Variants in CDH13 observed in about 807,000 individuals in gnomAD.
CDH13 encodes the protein cadherin 13.
In CDH13, 24 loss-of-function variants were observed where a neutral mutation model predicts 63.8. The ratio of observed to expected loss-of-function variants is 0.38; its 90% confidence interval spans 0.27 to 0.53. The LOEUF is 0.53. CDH13 is among the 20% of genes least tolerant of loss of function. The probability of loss-of-function intolerance (pLI) is 0.85; values close to 1 mark genes in which losing one functional copy is unlikely to be tolerated. For synonymous variants in CDH13, 503 were observed against 355.3 expected, an observed-to-expected ratio of 1.42 and a Z score of -4.67; for missense variants, 1,049 against 903.1, an observed-to-expected ratio of 1.16 and a Z score of -2.07.
chr16:83,743,823 A>G (rs1912307675), intron 10 of CDH13, among the ~76,000 whole-genome samples: 1 of 130,792 alleles, frequency 7.6e-6, no homozygotes, highest in Non-Finnish European at 1.5e-5. Flanking sequence ...GATGTAATAA[A>G]CCTTTACCGG....
At chr16:83,329,259 T>C (rs1475552367) in intron 5 of CDH13, among the ~76,000 whole-genome samples, 3 of 152,194 alleles carry the variant, frequency 2.0e-5, no homozygotes, top group Middle Eastern at 3.2e-3. Context: ...AGAGTCCGGC[T>C]CTGTTGCCCA....
intron 1 of CDH13, among the ~76,000 whole-genome samples, chr16:82,682,849 C>T (rs906442368): frequency 6.6e-6 from 1 of 152,194 alleles, no homozygotes; most frequent in Non-Finnish European, 1.5e-5. Flanking sequence ...AGGACTGGTG[C>T]TTCCCCTGAG....
rs1555528267 is a variant in CDH13 at position 82,644,211 on chromosome 16, GA to G, written c.45+17076del. Among the ~76,000 whole-genome samples the G allele has an allele frequency of 1.3e-5, 2 of 152,168 alleles. No individual in the cohort carries two copies. Among genetic ancestry groups the G allele is most frequent in the Non-Finnish European group, 2.9e-5 (2 of 68,034 alleles). ...GCACCCTTTGGCTGGTGCGGCTGAAGAATTCAATAGCCTAGTAATGAGAAGT... is the reference window on the plus strand; with the variant it reads ...GCACCCTTTGGCTGGTGCGGCTGAAGATTCAATAGCCTAGTAATGAGAAGT... On this transcript the variant is annotated intron_variant, in intron 1 of 13. Coordinates refer to ENST00000567109, the MANE Select transcript of CDH13 (RefSeq NM_001257.5). The surrounding 1 kb of genome is among the most constrained non-coding windows in gnomAD (Gnocchi z 5.7).
intron 1 of CDH13, among the ~76,000 whole-genome samples, chr16:82,667,706 C>T (rs1177850695): frequency 6.6e-6 from 1 of 152,104 alleles, no homozygotes; most frequent in Non-Finnish European, 1.5e-5. Context: ...ATGTTTGGTG[C>T]AGTCTTGAAA....
At chr16:83,291,306 C>A (rs963782287) in intron 5 of CDH13, among the ~76,000 whole-genome samples, 1 of 152,074 alleles carries the variant, frequency 6.6e-6, no homozygotes, top group Non-Finnish European at 1.5e-5. Context: ...GGGGGTTCTA[C>A]TTCTTCATCT....
intron 3 of CDH13, among the ~76,000 whole-genome samples, chr16:83,101,995 A>G (rs979547058): frequency 1.3e-5 from 2 of 152,160 alleles, no homozygotes; most frequent in African/African-American, 4.8e-5. Context: ...CAAGTTAAGG[A>G]TTTTGGATTA....
Position 82,963,428 on chromosome 16 carries a change from C to T in CDH13, c.158-68582C>T, listed in dbSNP as rs1047199372. On this transcript the variant is annotated intron_variant, in intron 2 of 13. Coordinates refer to ENST00000567109, the MANE Select transcript of CDH13 (RefSeq NM_001257.5). The stretch of plus-strand genomic sequence containing the variant: ...GAAAGAAAGTACCAGCAAGGAACGT[C>T]CTTTCTCAATACCTCTTACATGATC... Among the ~76,000 whole-genome samples, 21 of 152,162 alleles carry T rather than the reference C, an allele frequency of 1.4e-4. 1 individual carries two copies. The highest frequency in any genetic ancestry group is 6.2e-4 in the South Asian group (3 of 4,816).
At chr16:83,256,871 G>C (rs944806372) in intron 5 of CDH13, among the ~76,000 whole-genome samples, 5 of 140,884 alleles carry the variant, frequency 3.5e-5, no homozygotes, top group African/African-American at 7.8e-5. Flanking sequence ...AAAAAAAATA[G>C]TTCCCAGGCC....
At chr16:83,505,999 C>A (rs1371874636) in intron 7 of CDH13, among the ~76,000 whole-genome samples, 2 of 152,196 alleles carry the variant, frequency 1.3e-5, no homozygotes, top group Non-Finnish European at 2.9e-5. Context: ...TATTTACTTT[C>A]CAAGTTCACA....
intron 6 of CDH13, among the ~76,000 whole-genome samples, chr16:83,478,612 A>G (rs1048051278): frequency 2.6e-5 from 4 of 152,180 alleles, no homozygotes; most frequent in African/African-American, 7.2e-5. Context: ...CAAAGGAGCA[A>G]GGGTTACAAA....
chr16:83,418,036 A>G (rs967487078), intron 6 of CDH13, among the ~76,000 whole-genome samples: 3 of 152,052 alleles, frequency 2.0e-5, no homozygotes, highest in African/African-American at 4.8e-5. Flanking sequence ...ACTCTTCCAG[A>G]CACTTTCTCC....
chr16:82,932,356 T>A (rs1228783031), intron 2 of CDH13, among the ~76,000 whole-genome samples: 1 of 152,212 alleles, frequency 6.6e-6, no homozygotes, highest in African/African-American at 2.4e-5. Context: ...CCCATTTTTG[T>A]AATGTTTAGC....
At chr16:82,958,918 T>A (rs1209969310) in intron 2 of CDH13, among the ~76,000 whole-genome samples, 2 of 152,248 alleles carry the variant, frequency 1.3e-5, no homozygotes, top group African/African-American at 2.4e-5. Flanking sequence ...TATGAACGAA[T>A]GAAATCTACC....
chr16:83,014,627 A>C (rs1567745299), intron 2 of CDH13, among the ~76,000 whole-genome samples: 1 of 149,650 alleles, frequency 6.7e-6, no homozygotes, highest in Non-Finnish European at 1.5e-5. Context: ...GCTACTTGGG[A>C]GGCTGAGGCA....
At chr16:83,705,793 G>A (rs1906951466) in intron 10 of CDH13, among the ~76,000 whole-genome samples, 1 of 152,200 alleles carries the variant, frequency 6.6e-6, no homozygotes, top group South Asian at 2.1e-4. Context: ...ACTCTCAGGA[G>A]AAGAGGAGGG....
At chr16:82,970,903 C>T (rs1343703031) in intron 2 of CDH13, among the ~76,000 whole-genome samples, 1 of 152,198 alleles carries the variant, frequency 6.6e-6, no homozygotes, top group African/African-American at 2.4e-5. Context: ...CCCAGTGCTT[C>T]AGTACTTACT....
intron 11 of CDH13, among the ~76,000 whole-genome samples, chr16:83,762,020 C>A (rs1248355965): frequency 6.6e-6 from 1 of 152,018 alleles, no homozygotes; most frequent in Non-Finnish European, 1.5e-5. Context: ...TGAGCTAACG[C>A]CACTGCACTC....
intron 4 of CDH13, among the ~76,000 whole-genome samples, chr16:83,188,945 C>T (rs2038612191): frequency 6.6e-6 from 1 of 152,082 alleles, no homozygotes; most frequent in Non-Finnish European, 1.5e-5. Context: ...CTTCAGGAAG[C>T]CTCTGTTTTT....
intron 1 of CDH13, among the ~76,000 whole-genome samples, chr16:82,653,433 A>T (rs944983111): frequency 6.6e-6 from 1 of 152,194 alleles, no homozygotes; most frequent in Non-Finnish European, 1.5e-5. Flanking sequence ...GGGACCCAGG[A>T]AGGCCTTCTG....
Sources: gnomAD v4.1 joint callset for allele counts (sites outside exome capture counted in the v4.1 genomes callset) on GRCh38, gnomAD v4.1.1 for gene constraint, Gnocchi (gnomAD v3.1) non-coding constraint, MANE v1.5 for transcripts, NCBI Gene and HGNC (gene_info 2026-07-23, HGNC 2026-07-21) for gene names.